SLC35G2: variants seen among roughly 807,000 people sequenced by gnomAD.
SLC35G2 encodes the protein transmembrane protein 22.
In SLC35G2, 20 loss-of-function variants were observed where a neutral mutation model predicts 27.2. That is an observed-to-expected ratio of 0.74 (90% CI 0.52 to 1.07). The LOEUF (loss-of-function observed/expected upper bound fraction) is 1.07, where lower values mean the gene tolerates loss of function less well. SLC35G2 is among the 50% of genes least tolerant of loss of function. The pLI is 0.00. For synonymous variants in SLC35G2, 148 were observed against 165.3 expected, an observed-to-expected ratio of 0.90 and a Z score of 0.80; for missense variants, 416 against 493.3, an observed-to-expected ratio of 0.84 and a Z score of 1.48.
In SLC35G2 at chr3:136,832,138, C is replaced by T. The variant is rs371831207; in HGVS notation, c.-19+12510C>T. On this transcript the variant is annotated intron_variant, in intron 1 of 1. Coordinates refer to ENST00000446465, the MANE Select transcript of SLC35G2 (RefSeq NM_025246.3). ...ATGCCATTCTCCTGCCTCAGCCTCC[C>T]GAGTAGCTGGGACTACAAGTGCCCG... 3.9e-5 allele frequency among the ~76,000 whole-genome samples: 6 copies of T among 152,040 alleles called. No homozygotes were observed. In the South Asian group the frequency reaches 6.2e-4, roughly 16 times the overall value.
intron 1 of SLC35G2, among the ~76,000 whole-genome samples, chr3:136,846,144 C>T (rs74560631): frequency 1.8e-3 from 268 of 152,214 alleles, no homozygotes; most frequent in Non-Finnish European, 3.4e-3. Context: ...GGACTTAAAC[C>T]GCAATATTGG....
At position 136,855,087 on chromosome 3, in the gene SLC35G2, G is replaced by A; in HGVS notation, c.627G>A (p.Leu209=). 1 of 1,614,134 alleles carries A rather than the reference G, an allele frequency of 6.2e-7. No homozygotes were observed. Among genetic ancestry groups the A allele is most frequent in the Non-Finnish European group, 8.5e-7 (1 of 1,180,022 alleles). ...RATTTVFSAI[L]AFLLVDEKMA... ...CAACTACAGTCTTCAGTGCCATTTT[G>A]GCTTTTTTACTCGTAGATGAGAAAA... Residue 209 remains leucine, a synonymous_variant, in exon 2 of 2, where the codon TTG becomes TTA. Coordinates refer to ENST00000446465, the MANE Select transcript of SLC35G2 (RefSeq NM_025246.3).
At position 136,838,246 on chromosome 3, in the gene SLC35G2, CAT is replaced by C. The variant is rs6148084; in HGVS notation, c.-18-16161_-18-16160del. 2.5e-3 allele frequency: 350 copies of C among 140,986 alleles called. 3 individuals are homozygous for C. The highest frequency in any genetic ancestry group is 8.5e-3 in the African/African-American group (318 of 37,330). The allele number at this position is 140,986 out of a possible 1,614,324, so 8.7% of individuals were successfully genotyped here. ...CTCTTCAATTTTGCAGTAGCATATA[CAT>C]ATATATATATATATATATATATATA... On this transcript the variant is annotated intron_variant, in intron 1 of 1. Coordinates refer to ENST00000446465, the MANE Select transcript of SLC35G2 (RefSeq NM_025246.3).
chr3:136,834,744 C>T (rs1459575857), intron 1 of SLC35G2, among the ~76,000 whole-genome samples: 1 of 152,194 alleles, frequency 6.6e-6, no homozygotes, highest in Non-Finnish European at 1.5e-5. Context: ...ACATACCACA[C>T]ATATTAACTC....
At chr3:136,822,664 A>G (rs1286442325) in intron 1 of SLC35G2, among the ~76,000 whole-genome samples, 1 of 152,222 alleles carries the variant, frequency 6.6e-6, no homozygotes, top group African/African-American at 2.4e-5. Flanking sequence ...GATCCCACAG[A>G]TAAGTGAAAA....
intron 1 of SLC35G2, among the ~76,000 whole-genome samples, chr3:136,843,932 T>TCAAAA (rs1431773350): frequency 2.6e-5 from 4 of 152,066 alleles, no homozygotes; most frequent in Non-Finnish European, 5.9e-5. Context: ...GGACTCTGTC[T>TCAAAA]CAAAACAAAA....
chr3:136,845,306 A>G (rs1041647551), intron 1 of SLC35G2, among the ~76,000 whole-genome samples: 1 of 152,202 alleles, frequency 6.6e-6, no homozygotes, highest in Non-Finnish European at 1.5e-5. Flanking sequence ...GGTGGTAAAT[A>G]AGCTCTTGGG....
intron 1 of SLC35G2, among the ~76,000 whole-genome samples, chr3:136,831,139 TG>T (rs2108001437): frequency 6.6e-6 from 1 of 152,306 alleles, no homozygotes; most frequent in African/African-American, 2.4e-5. Context: ...CTGTTGTAAA[TG>T]GGAGTGAAGA....
chr3:136,828,489 C>CT (rs1339698023), intron 1 of SLC35G2, among the ~76,000 whole-genome samples: 2 of 152,194 alleles, frequency 1.3e-5, no homozygotes, highest in East Asian at 1.9e-4. Context: ...ATATAATGAC[C>CT]TTTTTTGTCT....
At chr3:136,824,078 A>G (rs1204396104) in intron 1 of SLC35G2, among the ~76,000 whole-genome samples, 2 of 152,098 alleles carry the variant, frequency 1.3e-5, no homozygotes, top group African/African-American at 2.4e-5. Flanking sequence ...TCATGGGTCT[A>G]TGTATCTGTT....
rs779553916 is a variant in SLC35G2 at position 136,855,400 on chromosome 3, G to A, written c.940G>A (p.Asp314Asn). 18 of 1,614,162 alleles carry A rather than the reference G, an allele frequency of 1.1e-5. No individual in the cohort carries two copies. The Admixed American group carries it at 2.8e-4, about 25-fold the overall frequency. ...FILQEPIIPL[D>N]GETWSYLIAI... ...TCTTCAAGAACCCATCATCCCATTA[G>A]ATGGAGAAACCTGGAGTTATCTCAT... The change falls in exon 2 of 2, where the codon GAT becomes AAT. Residue 314 changes from aspartate (D) to asparagine (N), a missense_variant. Coordinates refer to ENST00000446465, the MANE Select transcript of SLC35G2 (RefSeq NM_025246.3).
intron 1 of SLC35G2, among the ~76,000 whole-genome samples, chr3:136,853,435 T>C (rs886190505): frequency 1.3e-5 from 2 of 152,148 alleles, no homozygotes; most frequent in African/African-American, 2.4e-5. Flanking sequence ...TAGTATTCCA[T>C]TGTATGAACA....
intron 1 of SLC35G2, among the ~76,000 whole-genome samples, chr3:136,843,858 C>G (rs1937227065): frequency 6.6e-6 from 1 of 152,044 alleles, no homozygotes; most frequent in Admixed American, 6.6e-5. Flanking sequence ...CCCTTGAACC[C>G]AGGAGGTGGA....
intron 1 of SLC35G2, among the ~76,000 whole-genome samples, chr3:136,835,010 TTAAG>T (rs2108005636): frequency 6.6e-6 from 1 of 152,304 alleles, no homozygotes; most frequent in South Asian, 2.1e-4. Flanking sequence ...CCCTAACTAC[TTAAG>T]TGTTTTCCTT....
At position 136,854,984 on chromosome 3, in the gene SLC35G2, A is replaced by G; in HGVS notation, c.524A>G (p.Asn175Ser). 3 of 1,614,178 alleles carry G rather than the reference A, an allele frequency of 1.9e-6. No individual in the cohort carries two copies. Among genetic ancestry groups the G allele is most frequent in the Non-Finnish European group, 2.5e-6 (3 of 1,180,034 alleles). ...RLRLFFYGVC[N>S]VISITCAYTS... ...CGACTCTTCTTTTATGGTGTATGCA[A>G]TGTCATTTCTATCACTTGTGCTTAT... Residue 175 changes from asparagine to serine, a missense_variant, in exon 2 of 2, where the codon AAT becomes AGT. Physicochemically the swap from Asn to Ser is conservative, Grantham distance 46. Transcript: ENST00000446465.
intron 1 of SLC35G2, chr3:136,843,181 G>C (rs1210810410): frequency 1.3e-5 from 2 of 151,772 alleles, no homozygotes; most frequent in African/African-American, 4.8e-5. Context: ...AAATTAGCCA[G>C]GTGTGGTGGT....
At chr3:136,847,806 T>C (rs546236441) in intron 1 of SLC35G2, among the ~76,000 whole-genome samples, 21 of 151,940 alleles carry the variant, frequency 1.4e-4, no homozygotes, top group African/African-American at 4.8e-4. Flanking sequence ...CCACCTCTAC[T>C]AAAATACAAA....
At chr3:136,850,213 T>C (rs929595319) in intron 1 of SLC35G2, among the ~76,000 whole-genome samples, 1 of 152,248 alleles carries the variant, frequency 6.6e-6, no homozygotes, top group African/African-American at 2.4e-5. Flanking sequence ...TTGGATCCTT[T>C]TAAATTCTTT....
chr3:136,846,986 G>A (rs1272148938), intron 1 of SLC35G2, among the ~76,000 whole-genome samples: 1 of 152,062 alleles, frequency 6.6e-6, no homozygotes, highest in African/African-American at 2.4e-5. Flanking sequence ...AGCCAACATG[G>A]TGAAACCCCA....
Sources: gnomAD v4.1 joint callset for allele counts (sites outside exome capture counted in the v4.1 genomes callset) on GRCh38, gnomAD v4.1.1 for gene constraint, MANE v1.5 for transcripts, NCBI Gene and HGNC (gene_info 2026-07-23, HGNC 2026-07-21) for gene names.